MCPH1: variants seen among roughly 807,000 people sequenced by gnomAD.
The protein encoded by MCPH1 is microcephalin 1.
MCPH1 carries 104 observed loss-of-function variants against 84.5 expected under a neutral mutation model. The ratio of observed to expected loss-of-function variants is 1.23; its 90% CI spans 1.05 to 1.45. The LOEUF (loss-of-function observed/expected upper bound fraction) is 1.45. MCPH1 is among the 40% of genes most tolerant of loss of function. The probability of loss-of-function intolerance (pLI) is 0.00; values close to 1 mark genes in which losing one functional copy is unlikely to be tolerated. For synonymous variants in MCPH1, 514 were observed against 366.8 expected, an observed-to-expected ratio of 1.40 and a Z score of -4.58; for missense variants, 1,498 against 1,005.7, an observed-to-expected ratio of 1.49 and a Z score of -6.62.
intron 12 of MCPH1, 125 bp downstream of exon 12, chr8:6,500,054 A>G (rs991148320): frequency 4.6e-5 from 37 of 804,596 alleles, no homozygotes; most frequent in Non-Finnish European, 2.1e-6. Context: ...TTAAAAAGAC[A>G]TTCACAGAAC....
chr8:6,576,970 C>T (rs2129576811), intron 12 of MCPH1, among the ~76,000 whole-genome samples: 1 of 152,212 alleles, frequency 6.6e-6, no homozygotes, highest in South Asian at 2.1e-4. Flanking sequence ...GGGCCCTGCC[C>T]ATTCTGCGGA....
intron 12 of MCPH1, among the ~76,000 whole-genome samples, chr8:6,611,863 C>T (rs1830306559): frequency 6.6e-6 from 1 of 152,162 alleles, no homozygotes; most frequent in African/African-American, 2.4e-5. Context: ...CGTGATCCAC[C>T]CACCTCGGCC....
chr8:6,407,894 C>T (rs775005240), intron 1 of MCPH1, among the ~76,000 whole-genome samples: 9 of 152,072 alleles, frequency 5.9e-5, no homozygotes, highest in Non-Finnish European at 1.2e-4. Context: ...AAAAAAAGGT[C>T]AAATGAAAAA....
Position 6,423,185 on chromosome 8 carries a change from CTTTTCTT to C in MCPH1, c.233+8307_234-8303del, listed in dbSNP as rs1188586526. Among the ~76,000 whole-genome samples the C allele has an allele frequency of 1.0e-3, 112 of 110,800 alleles. 1 individual carries two copies. Among genetic ancestry groups the C allele is most frequent in the Middle Eastern group, 5.1e-3 (1 of 196 alleles). The allele number at this position is 110,800 out of a possible 152,430, so 72.7% of individuals were successfully genotyped here. A position where few individuals can be genotyped will look rare whatever the true frequency, so the allele number is the denominator to read the frequency against. ...CTTAATCTTTTGGCATTTTTCTTTT[CTTTTCTT>C]TTTTTTTTTTTTTTTGAAACTGAGT... On this transcript the variant is annotated intron_variant, in intron 3 of 13. Coordinates refer to ENST00000344683, the MANE Select transcript of MCPH1 (RefSeq NM_024596.5).
rs1447024351 is a variant in MCPH1 at position 6,535,271 on chromosome 8, C to G, written c.2214+35342C>G. On this transcript the variant is annotated intron_variant, in intron 12 of 13. Coordinates refer to ENST00000344683, the MANE Select transcript of MCPH1 (RefSeq NM_024596.5). ...GCTACTGAGTCAGATGTGTTTGCAA[C>G]TCTCCAGAGATATGAGAGGATTGTT... Among the ~76,000 whole-genome samples the G allele has an allele frequency of 2.6e-5, 4 of 152,270 alleles. No homozygotes were observed. The East Asian group carries it at 5.8e-4, about 22-fold the overall frequency.
intron 9 of MCPH1, among the ~76,000 whole-genome samples, chr8:6,468,531 T>C (rs1008675981): frequency 2.0e-5 from 3 of 152,140 alleles, no homozygotes; most frequent in African/African-American, 7.2e-5. Flanking sequence ...ATGGGAGCTT[T>C]AGTGTTAGAT....
chr8:6,556,718 A>G (rs145176965), intron 12 of MCPH1, among the ~76,000 whole-genome samples: 1,684 of 152,092 alleles, frequency 0.011, 28 homozygotes, highest in African/African-American at 0.039. Context: ...GGCTCAGGCA[A>G]TCCTCCCACC....
chr8:6,477,774 C>A, intron 10 of MCPH1, 143 bp downstream of exon 10: 2 of 732,522 alleles, frequency 2.7e-6, no homozygotes, highest in Non-Finnish European at 4.7e-6. Context: ...GTTAGAAGAT[C>A]ACTGAAAATT....
chr8:6,524,355 C>CAAA lies in MCPH1; in HGVS notation c.2214+24427_2214+24428insAAA, dbSNP rs537430697. Reference sequence around the variant, plus strand: ...AGCTGGTGAAATATTCTATACATTTCACTAGCTTTTCTGCGAAGGCATATG... The same window carrying CAAA: ...AGCTGGTGAAATATTCTATACATTTCAAAACTAGCTTTTCTGCGAAGGCATATG... On this transcript the variant is annotated intron_variant, in intron 12 of 13. Transcript: ENST00000344683. 6.6e-5 allele frequency among the ~76,000 whole-genome samples: 10 copies of CAAA among 152,336 alleles called. No individual in the cohort carries two copies. The South Asian group carries it at 1.9e-3, about 28-fold the overall frequency.
chr8:6,501,359 G>A (rs555929864), intron 12 of MCPH1: 2 of 152,300 alleles, frequency 1.3e-5, no homozygotes, highest in East Asian at 3.9e-4. Context: ...GCTAGTTACA[G>A]ACTGGACTCT....
At chr8:6,413,836 C>A (rs1018514760) in intron 2 of MCPH1, among the ~76,000 whole-genome samples, 1 of 151,332 alleles carries the variant, frequency 6.6e-6, no homozygotes, top group Non-Finnish European at 1.5e-5. Flanking sequence ...CTCACTGTAA[C>A]CGCCACCTCC....
At chr8:6,634,225 T>C (rs1797374489) in intron 13 of MCPH1, among the ~76,000 whole-genome samples, 1 of 152,160 alleles carries the variant, frequency 6.6e-6, no homozygotes, top group African/African-American at 2.4e-5. Flanking sequence ...AACTGAAAAT[T>C]GAAGGGAACT....
intron 12 of MCPH1, among the ~76,000 whole-genome samples, chr8:6,612,444 T>G (rs1046177896): frequency 4.6e-5 from 7 of 152,334 alleles, no homozygotes; most frequent in Middle Eastern, 3.4e-3. Context: ...GCCTGTCTTT[T>G]GAGGGCTACC....
intron 12 of MCPH1, among the ~76,000 whole-genome samples, chr8:6,506,585 G>A (rs1000540395): frequency 2.0e-5 from 3 of 152,176 alleles, no homozygotes; most frequent in Non-Finnish European, 4.4e-5. Flanking sequence ...AGTCCTAGGT[G>A]TCTGTGGCTC....
chr8:6,519,842 T>C, intron 12 of MCPH1: 1 of 1,612,332 alleles, frequency 6.2e-7, no homozygotes, highest in Non-Finnish European at 8.5e-7. Context: ...AGGGAGTTAG[T>C]AAGGGGAGAC....
intron 11 of MCPH1, among the ~76,000 whole-genome samples, chr8:6,493,496 A>G (rs550001563): frequency 6.6e-6 from 1 of 152,246 alleles, no homozygotes; most frequent in African/African-American, 2.4e-5. Flanking sequence ...TTAGTACTTT[A>G]TTGCTTATCT....
intron 12 of MCPH1, among the ~76,000 whole-genome samples, chr8:6,605,227 C>A (rs931153646): frequency 1.3e-5 from 2 of 152,024 alleles, no homozygotes; most frequent in African/African-American, 4.8e-5. Flanking sequence ...ATTCTTTTTT[C>A]CAAAAGTTGA....
At chr8:6,536,712 C>A (rs1283449674) in intron 12 of MCPH1, among the ~76,000 whole-genome samples, 1 of 152,126 alleles carries the variant, frequency 6.6e-6, no homozygotes, top group Non-Finnish European at 1.5e-5. Flanking sequence ...TGTAGCCTTT[C>A]CATAAATCAC....
chr8:6,640,616 C>T (rs1000655192), intron 13 of MCPH1, among the ~76,000 whole-genome samples: 18 of 151,880 alleles, frequency 1.2e-4, no homozygotes, highest in African/African-American at 4.4e-4. Flanking sequence ...TGTTATAAAA[C>T]TCTGTCTCTT....
Sources: gnomAD v4.1 joint callset for allele counts (sites outside exome capture counted in the v4.1 genomes callset) on GRCh38, gnomAD v4.1.1 for gene constraint, MANE v1.5 for transcripts, NCBI Gene and HGNC (gene_info 2026-07-23, HGNC 2026-07-21) for gene names.